The following MVB12B variants were observed in gnomAD, a reference collection of about 807,000 sequenced individuals.
The protein encoded by MVB12B is ESCRT-I complex subunit MVB12B.
Under a neutral mutation model 41.6 loss-of-function variants are expected in MVB12B, and 16 were observed. That is an observed-to-expected ratio of 0.38 (90% confidence interval 0.26 to 0.58). The LOEUF is 0.58. MVB12B is among the 20% of genes least tolerant of loss of function. MVB12B has a pLI of 0.62. For missense variants in MVB12B, 274 were observed against 380.2 expected (o/e 0.72, Z 2.32); for synonymous variants, 133 against 139.7 (o/e 0.95, Z 0.34).
rs1833051028 is a variant in MVB12B at position 126,459,722 on chromosome 9, T to C, written c.758-21647T>C. Among the ~76,000 whole-genome samples the C allele has an allele frequency of 6.6e-6, 1 of 152,080 alleles. No individual in the cohort carries two copies. Among genetic ancestry groups the C allele is most frequent in the Admixed American group, 6.5e-5 (1 of 15,272 alleles). On this transcript the variant is annotated intron_variant, in intron 7 of 9. Coordinates refer to ENST00000361171, the MANE Select transcript of MVB12B (RefSeq NM_033446.3). The surrounding 1 kb of genome is among the most constrained non-coding windows in gnomAD (Gnocchi z 4.3). ...TGTGGGGCAGCTTGGAGTGCGCAGT[T>C]GTTACAGCGCTCACAGGGGCCGCGC...
intron 2 of MVB12B, among the ~76,000 whole-genome samples, chr9:126,351,664 A>G (rs1486952809): frequency 2.6e-5 from 4 of 151,818 alleles, no homozygotes; most frequent in African/African-American, 7.3e-5. Context: ...TAATTTTTGT[A>G]CTTTTAGTAG....
At chr9:126,435,658 CAA>C (rs34798291) in intron 7 of MVB12B, among the ~76,000 whole-genome samples, 27 of 124,982 alleles carry the variant, frequency 2.2e-4, no homozygotes, top group Admixed American at 6.5e-4. Flanking sequence ...TTATTTTAGC[CAA>C]AAAAAAAAAA....
intron 9 of MVB12B, among the ~76,000 whole-genome samples, chr9:126,485,542 CATCCACT>C (rs1292271170): frequency 1.0e-5 from 1 of 100,268 alleles, no homozygotes; most frequent in Non-Finnish European, 2.1e-5. Flanking sequence ...GTCAGGGTAC[CATCCACT>C]GTGCTTCATG....
intron 6 of MVB12B, among the ~76,000 whole-genome samples, chr9:126,411,308 T>C (rs1831641110): frequency 6.6e-6 from 1 of 152,260 alleles, no homozygotes; most frequent in African/African-American, 2.4e-5. Flanking sequence ...CGTGTTTCAG[T>C]TGACTTATGG....
At position 126,504,053 on chromosome 9, in the gene MVB12B, C is replaced by T. The variant is rs1002191737; in HGVS notation, c.*790C>T. 1.3e-5 allele frequency: 2 copies of T among 152,520 alleles called. No homozygotes were observed. Among genetic ancestry groups the T allele is most frequent in the African/African-American group, 2.4e-5 (1 of 41,474 alleles). The allele number at this position is 152,520 out of a possible 1,614,324, so 9.4% of individuals were successfully genotyped here. On this transcript the variant is annotated 3_prime_UTR_variant, in exon 10 of 10. Transcript: ENST00000361171. ...ACATGCCAACAATAGCTCCAGGTGC[C>T]TCAGCCCCGTGCCCTGACCCGGGGA...
chr9:126,370,957 T>C (rs1830319343), intron 2 of MVB12B, among the ~76,000 whole-genome samples: 2 of 152,218 alleles, frequency 1.3e-5, no homozygotes, highest in African/African-American at 4.8e-5. Flanking sequence ...TTCTAAAAGT[T>C]TGGAAGTTTT....
intron 2 of MVB12B, among the ~76,000 whole-genome samples, chr9:126,374,982 A>G (rs1830439800): frequency 6.6e-6 from 1 of 151,862 alleles, no homozygotes; most frequent in Non-Finnish European, 1.5e-5. Flanking sequence ...CTGTCTCCCC[A>G]CCTTCACCTT....
chr9:126,448,046 G>C (rs750196036), intron 7 of MVB12B: 1 of 152,674 alleles, frequency 6.5e-6, no homozygotes, highest in Non-Finnish European at 1.5e-5. Flanking sequence ...TCCTCCAGGG[G>C]TTTTCCACCT....
At position 126,505,602 on chromosome 9, in the gene MVB12B, C is replaced by T. The variant is rs1037448782; in HGVS notation, c.*2339C>T. On this transcript the variant is annotated 3_prime_UTR_variant, in exon 10 of 10. Transcript: ENST00000361171. The stretch of plus-strand genomic sequence containing the variant: ...TGTCTGTGGTAGCTTTTAGGCTGCT[C>T]CTAACCCACCATTTATTGCCTTCTG... 6.6e-6 allele frequency: 1 copy of T among 152,182 alleles called. No individual in the cohort carries two copies. Among genetic ancestry groups the T allele is most frequent in the Non-Finnish European group, 1.5e-5 (1 of 68,048 alleles). The allele number at this position is 152,182 out of a possible 1,614,324, so 9.4% of individuals were successfully genotyped here.
At chr9:126,360,212 C>T (rs1829991884) in intron 2 of MVB12B, among the ~76,000 whole-genome samples, 1 of 151,888 alleles carries the variant, frequency 6.6e-6, no homozygotes, top group African/African-American at 2.4e-5. Context: ...TTTTTTGTTT[C>T]CATGTATTTG....
chr9:126,367,725 A>G lies in MVB12B; in HGVS notation c.205-13339A>G, dbSNP rs1459800305. Among the ~76,000 whole-genome samples the G allele has an allele frequency of 6.6e-6, 1 of 152,198 alleles. No homozygotes were observed. On this transcript the variant is annotated intron_variant, in intron 2 of 9. Transcript: ENST00000361171. The surrounding 1 kb of genome is among the most constrained non-coding windows in gnomAD (Gnocchi z 4.3). Reference sequence around the variant, plus strand: ...CTTCCACACACAGTATTTATTTCACACAATAACCCTGCCAAGTTACTATTG... The same window carrying G: ...CTTCCACACACAGTATTTATTTCACGCAATAACCCTGCCAAGTTACTATTG...
intron 2 of MVB12B, among the ~76,000 whole-genome samples, chr9:126,365,140 G>T (rs1180255466): frequency 6.6e-6 from 1 of 150,490 alleles, no homozygotes; most frequent in East Asian, 1.9e-4. Flanking sequence ...TGCAACCTCC[G>T]CCTCCCAGGT....
At chr9:126,419,498 G>GT (rs1488600528) in intron 6 of MVB12B, among the ~76,000 whole-genome samples, 1 of 152,196 alleles carries the variant, frequency 6.6e-6, no homozygotes, top group Non-Finnish European at 1.5e-5. Context: ...CTCGAGGGGC[G>GT]TTGTGAGGAG....
At chr9:126,330,326 T>C (rs76731437) in intron 1 of MVB12B, among the ~76,000 whole-genome samples, 26 of 90,798 alleles carry the variant, frequency 2.9e-4, no homozygotes, top group South Asian at 3.9e-4. Context: ...CACACACACA[T>C]ACACACACAC....
chr9:126,481,250 G>A, intron 7 of MVB12B, 119 bp from the exon 8 acceptor site: 1 of 859,018 alleles, frequency 1.2e-6, no homozygotes, highest in African/African-American at 1.7e-5. Context: ...TGTGCTGGAT[G>A]TCACCTGGCT....
intron 7 of MVB12B, among the ~76,000 whole-genome samples, chr9:126,439,641 T>A (rs1832581870): frequency 6.6e-6 from 1 of 152,240 alleles, no homozygotes; most frequent in African/African-American, 2.4e-5. Context: ...TCACTTTACC[T>A]CCAGAACTTC....
intron 8 of MVB12B, among the ~76,000 whole-genome samples, chr9:126,483,404 G>A (rs924664634): frequency 6.6e-6 from 1 of 151,984 alleles, no homozygotes; most frequent in African/African-American, 2.4e-5. Flanking sequence ...TTTCCACATC[G>A]ATTTCTCAAA....
intron 7 of MVB12B, among the ~76,000 whole-genome samples, chr9:126,472,484 C>A (rs58281067): frequency 0.13 from 14,626 of 116,960 alleles, 816 homozygotes; most frequent in Middle Eastern, 0.26. Context: ...AAAAAAAAAA[C>A]CCACCACCCC....
chr9:126,327,638 G>C (rs1289625566), intron 1 of MVB12B, among the ~76,000 whole-genome samples: 1 of 152,160 alleles, frequency 6.6e-6, no homozygotes, highest in African/African-American at 2.4e-5. Context: ...GCTGGGACAA[G>C]AGCTGAGGCA....
Sources: gnomAD v4.1 joint callset for allele counts (sites outside exome capture counted in the v4.1 genomes callset) on GRCh38, gnomAD v4.1.1 for gene constraint, Gnocchi (gnomAD v3.1) non-coding constraint, MANE v1.5 for transcripts, NCBI Gene and HGNC (gene_info 2026-07-23, HGNC 2026-07-21) for gene names.